NTM: variants seen among roughly 807,000 people sequenced by gnomAD.
NTM encodes neurotrimin, also known as IgLON family member 2.
In NTM, 13 loss-of-function variants were observed where a neutral mutation model predicts 42.1. The ratio of observed to expected loss-of-function variants is 0.31; its 90% confidence interval spans 0.20 to 0.49. The LOEUF is 0.49. NTM is among the 20% of genes least tolerant of loss of function. NTM has a pLI of 0.99. For synonymous variants in NTM, 187 were observed against 179.2 expected (o/e 1.04, Z -0.35); for missense variants, 373 against 452.8 (o/e 0.82, Z 1.60).
intron 2 of NTM, among the ~76,000 whole-genome samples, chr11:131,933,227 G>GTA (rs2058830624): frequency 1.3e-5 from 2 of 152,192 alleles, no homozygotes; most frequent in Admixed American, 6.5e-5. Flanking sequence ...GGGACTGTCA[G>GTA]GGAGTGCGTG....
At chr11:132,034,028 A>T (rs1389855437) in intron 2 of NTM, among the ~76,000 whole-genome samples, 3 of 152,228 alleles carry the variant, frequency 2.0e-5, no homozygotes, top group African/African-American at 7.2e-5. Flanking sequence ...AGTGACCTTA[A>T]GATGGTCTTA....
In NTM at chr11:131,370,642, A is replaced by C; in HGVS notation, c.-165A>C. ...AGTATGAGTGGAGATAATTACGGAG[A>C]AGTCATACTCTCTCACACCCTCGGC... On this transcript the variant is annotated 5_prime_UTR_variant, in exon 1 of 9. Coordinates refer to ENST00000683400, the MANE Select transcript of NTM (RefSeq NM_001352005.2). 1 of 616,000 alleles carries C rather than the reference A, an allele frequency of 1.6e-6. No individual in the cohort carries two copies. Among genetic ancestry groups the C allele is most frequent in the Non-Finnish European group, 2.8e-6 (1 of 351,860 alleles). 38.2% of individuals were successfully genotyped at this position (616,000 alleles called of 1,614,324 possible). A position where few individuals can be genotyped will look rare whatever the true frequency, so the allele number is the denominator to read the frequency against.
chr11:132,250,527 C>T (rs1056650090), intron 4 of NTM, among the ~76,000 whole-genome samples: 1 of 151,538 alleles, frequency 6.6e-6, no homozygotes, highest in African/African-American at 2.4e-5. Context: ...TAGACAAGAC[C>T]CCTCCCTCTG....
At position 131,381,101 on chromosome 11, in the gene NTM, C is replaced by A. The variant is rs143392699; in HGVS notation, c.82+10213C>A. 5.1e-3 allele frequency among the ~76,000 whole-genome samples: 780 copies of A among 152,244 alleles called. 8 individuals are homozygous for A. The highest frequency in any genetic ancestry group is 0.018 in the African/African-American group (748 of 41,536). On this transcript the variant is annotated intron_variant, in intron 1 of 8. Transcript: ENST00000683400. ...GTGGAAAAGTCATTCTAATGGTGAA[C>A]TGCTCAGATCAGTAGGGGAAGGGGG...
At chr11:131,712,153 A>T (rs2077227112) in intron 1 of NTM, among the ~76,000 whole-genome samples, 1 of 147,760 alleles carries the variant, frequency 6.8e-6, no homozygotes, top group Non-Finnish European at 1.5e-5. Context: ...TAAAAAATAA[A>T]AAAATAAAAA....
chr11:132,088,709 G>A lies in NTM; in HGVS notation c.168-57573G>A, dbSNP rs1413021647. Among the ~76,000 whole-genome samples, 12 of 152,242 alleles carry A rather than the reference G, an allele frequency of 7.9e-5. No individual in the cohort carries two copies. The South Asian group carries it at 2.3e-3, about 29-fold the overall frequency. On this transcript the variant is annotated intron_variant, in intron 2 of 8. Coordinates refer to ENST00000683400, the MANE Select transcript of NTM (RefSeq NM_001352005.2). ...GATTTATTTCCTTTACAGGGCATGT[G>A]CTAAGGGATAGAATTTTTCACCATG...
intron 7 of NTM, among the ~76,000 whole-genome samples, chr11:132,321,497 C>A (rs925383535): frequency 1.3e-5 from 2 of 152,024 alleles, no homozygotes; most frequent in African/African-American, 4.8e-5. Flanking sequence ...AAAAAGAAAC[C>A]AGCAAAGCCT....
intron 1 of NTM, among the ~76,000 whole-genome samples, chr11:131,446,587 C>T (rs1292287068): frequency 6.6e-6 from 1 of 152,186 alleles, no homozygotes. Flanking sequence ...CCTTCCTCTG[C>T]CTCCCCTTTG....
chr11:131,474,665 T>C (rs1364761622), intron 1 of NTM, among the ~76,000 whole-genome samples: 2 of 152,168 alleles, frequency 1.3e-5, no homozygotes, highest in Admixed American at 1.3e-4. Context: ...TCAACATTCA[T>C]CTCTTCCCGT....
chr11:131,405,221 T>G (rs149937238), intron 1 of NTM, among the ~76,000 whole-genome samples: 1 of 152,280 alleles, frequency 6.6e-6, no homozygotes, highest in African/African-American at 2.4e-5. Flanking sequence ...ACATTTAAGT[T>G]AATTACACAC....
chr11:131,743,515 A>G (rs2081433827), intron 1 of NTM, among the ~76,000 whole-genome samples: 2 of 152,230 alleles, frequency 1.3e-5, no homozygotes, highest in Non-Finnish European at 2.9e-5. Context: ...GGAATAATTC[A>G]CCATGCATAT....
intron 1 of NTM, among the ~76,000 whole-genome samples, chr11:131,549,493 A>G (rs55781432): frequency 0.18 from 27,513 of 152,130 alleles, 5,635 homozygotes; most frequent in African/African-American, 0.5. Context: ...GGGGCACTAA[A>G]CTAAATCTTT....
chr11:132,147,917 G>A (rs2070916538), intron 3 of NTM, among the ~76,000 whole-genome samples: 1 of 152,166 alleles, frequency 6.6e-6, no homozygotes, highest in African/African-American at 2.4e-5. Context: ...TGACAGTAGG[G>A]GAAGGCGGAA....
rs75291011 is a variant in NTM, at chr11:131,738,207, G to A, written c.83-173357G>A. Among the ~76,000 whole-genome samples, 9 of 152,244 alleles carry A rather than the reference G, an allele frequency of 5.9e-5. No homozygotes were observed. The East Asian group carries it at 1.7e-3, about 30-fold the overall frequency. ...TTTTGGATGGACATGTGCAATCCAG[G>A]CCAATGCAGAGAACTGCAGGACTCA... On this transcript the variant is annotated intron_variant, in intron 1 of 8. Transcript: ENST00000683400.
rs190361744 is a variant in NTM at position 131,717,121 on chromosome 11, G to A, written c.83-194443G>A. Among the ~76,000 whole-genome samples, 250 of 152,278 alleles carry A rather than the reference G, an allele frequency of 1.6e-3. 1 individual carries two copies. The highest frequency in any genetic ancestry group is 5.8e-3 in the African/African-American group (243 of 41,558). On this transcript the variant is annotated intron_variant, in intron 1 of 8. Transcript: ENST00000683400. ...CTCCCAAAGTGCTGGGACTACAAGC[G>A]TGAGCCACCTCAATCAGCCTTTAAA...
chr11:131,434,786 T>C (rs549501959), intron 1 of NTM, among the ~76,000 whole-genome samples: 1 of 152,352 alleles, frequency 6.6e-6, no homozygotes, highest in African/African-American at 2.4e-5. Flanking sequence ...AGAAGCTCTT[T>C]AGTTTAATTA....
chr11:132,215,694 T>C (rs1424396473), intron 4 of NTM, among the ~76,000 whole-genome samples: 1 of 152,258 alleles, frequency 6.6e-6, no homozygotes, highest in Non-Finnish European at 1.5e-5. Flanking sequence ...TATATTATTA[T>C]GGGCATTATG....
chr11:131,435,661 G>T (rs570700647), intron 1 of NTM, among the ~76,000 whole-genome samples: 1 of 152,188 alleles, frequency 6.6e-6, no homozygotes, highest in Non-Finnish European at 1.5e-5. Context: ...TGCTGAAGTT[G>T]CTTATCAGCT....
At chr11:131,881,009 A>G (rs533441007) in intron 1 of NTM, among the ~76,000 whole-genome samples, 17 of 152,084 alleles carry the variant, frequency 1.1e-4, no homozygotes, top group Non-Finnish European at 2.1e-4. Flanking sequence ...ATTATTGTCT[A>G]CTTTCTGAAT....
Sources: allele counts gnomAD v4.1 joint callset (sites outside exome capture counted in the v4.1 genomes callset), GRCh38; gene constraint gnomAD v4.1.1; transcripts MANE v1.5; gene names NCBI Gene and HGNC (gene_info 2026-07-23, HGNC 2026-07-21).